Variants in KCNQ3 observed in about 807,000 individuals in gnomAD.
The protein encoded by KCNQ3 is potassium voltage-gated channel subfamily Q member 3, also known as potassium voltage-gated channel subfamily KQT member 3.
KCNQ3 carries 30 observed loss-of-function variants against 92.5 expected under a neutral mutation model. The ratio of observed to expected loss-of-function variants is 0.32; its 90% CI spans 0.24 to 0.44. The LOEUF (loss-of-function observed/expected upper bound fraction) is 0.44. KCNQ3 is among the 20% of genes least tolerant of loss of function. KCNQ3 has a pLI of 1.00. For missense variants in KCNQ3, 913 were observed against 1,140.3 expected (o/e 0.80, Z 2.87); for synonymous variants, 450 against 468.8 (o/e 0.96, Z 0.52).
chr8:132,268,271 T>TTTTG (rs570282514), intron 1 of KCNQ3, among the ~76,000 whole-genome samples: 38 of 152,292 alleles, frequency 2.5e-4, no homozygotes, highest in African/African-American at 8.4e-4. Context: ...GATAGCTCTT[T>TTTTG]TTTGTTTGTT....
At chr8:132,286,823 A>T (rs1816691732) in intron 1 of KCNQ3, among the ~76,000 whole-genome samples, 1 of 152,186 alleles carries the variant, frequency 6.6e-6, no homozygotes, top group African/African-American at 2.4e-5. Context: ...TTTTCATAAG[A>T]CTGGATTAGT....
At chr8:132,233,612 T>C (rs893782222) in intron 1 of KCNQ3, among the ~76,000 whole-genome samples, 7 of 152,238 alleles carry the variant, frequency 4.6e-5, no homozygotes, top group Admixed American at 2.6e-4. Context: ...AGACTTTCAA[T>C]GCCAGTAAGA....
chr8:132,170,304 C>T (rs749452325), intron 8 of KCNQ3, 30 bp downstream of exon 8: 11 of 1,514,170 alleles, frequency 7.3e-6, no homozygotes, highest in Non-Finnish European at 1.0e-5. Context: ...GCTGGTCACG[C>T]CCTGAGCATT....
At chr8:132,477,088 C>T (rs952836434) in intron 1 of KCNQ3, among the ~76,000 whole-genome samples, 53 of 152,290 alleles carry the variant, frequency 3.5e-4, no homozygotes, top group African/African-American at 1.3e-3. Context: ...TTCCCCTTTG[C>T]CTTCTTCCAT....
At chr8:132,413,954 A>G (rs1820724244) in intron 1 of KCNQ3, among the ~76,000 whole-genome samples, 1 of 152,186 alleles carries the variant, frequency 6.6e-6, no homozygotes. Flanking sequence ...GGAGCAAAGG[A>G]GACTGGTGAT....
chr8:132,347,884 G>A (rs1726668380), intron 1 of KCNQ3, among the ~76,000 whole-genome samples: 1 of 150,546 alleles, frequency 6.6e-6, no homozygotes, highest in South Asian at 2.1e-4. Flanking sequence ...GGCTGAGGCA[G>A]GAGAATGGCG....
At chr8:132,274,298 A>G (rs1350265293) in intron 1 of KCNQ3, among the ~76,000 whole-genome samples, 4 of 152,156 alleles carry the variant, frequency 2.6e-5, no homozygotes, top group African/African-American at 9.7e-5. Context: ...TATGCATAGG[A>G]ACTCCTCTTT....
chr8:132,372,512 T>C (rs1175012673), intron 1 of KCNQ3, among the ~76,000 whole-genome samples: 1 of 151,940 alleles, frequency 6.6e-6, no homozygotes, highest in Non-Finnish European at 1.5e-5. Flanking sequence ...TCCCAGCACT[T>C]TGGGAGGCCG....
intron 1 of KCNQ3, among the ~76,000 whole-genome samples, chr8:132,479,844 A>G (rs1822502661): frequency 6.6e-6 from 1 of 152,030 alleles, no homozygotes; most frequent in Admixed American, 6.6e-5. Flanking sequence ...ACACCCCTAG[A>G]AGATGTCATA....
Position 132,165,985 on chromosome 8 carries a change from T to G in KCNQ3, c.1236-2491A>C, listed in dbSNP as rs114884462. 3.3e-3 allele frequency among the ~76,000 whole-genome samples: 506 copies of G among 152,342 alleles called. 4 individuals carry two copies. Among genetic ancestry groups the G allele is most frequent in the African/African-American group, 0.011 (463 of 41,582 alleles). Reference sequence around the variant, plus strand: ...GTGCATATAGTCCCCTTTCTCCATTTCTAAGCACTCCAATAATCTTGACCC... The same window carrying G: ...GTGCATATAGTCCCCTTTCTCCATTGCTAAGCACTCCAATAATCTTGACCC... On this transcript the variant is annotated intron_variant, in intron 8 of 14. Transcript: ENST00000388996.
At chr8:132,266,441 G>T (rs555507972) in intron 1 of KCNQ3, among the ~76,000 whole-genome samples, 1 of 152,096 alleles carries the variant, frequency 6.6e-6, no homozygotes, top group Non-Finnish European at 1.5e-5. Context: ...TTTTGCAGAC[G>T]GGAAAATGGG....
chr8:132,475,080 C>T (rs752040996), intron 1 of KCNQ3, among the ~76,000 whole-genome samples: 2 of 152,180 alleles, frequency 1.3e-5, no homozygotes, highest in African/African-American at 4.8e-5. Context: ...CCTGGCACCA[C>T]GTAAGACATT....
At chr8:132,374,250 A>C (rs543822226) in intron 1 of KCNQ3, among the ~76,000 whole-genome samples, 38 of 152,110 alleles carry the variant, frequency 2.5e-4, no homozygotes, top group Non-Finnish European at 5.3e-4. Context: ...TGCAAAACCT[A>C]CCAGCCCCTT....
chr8:132,217,256 C>T (rs993189436), intron 1 of KCNQ3, among the ~76,000 whole-genome samples: 1 of 152,268 alleles, frequency 6.6e-6, no homozygotes, highest in East Asian at 1.9e-4. Context: ...AGAGTCCAGA[C>T]AGATGGCAAA....
At chr8:132,259,406 T>C (rs1279631601) in intron 1 of KCNQ3, among the ~76,000 whole-genome samples, 1 of 152,110 alleles carries the variant, frequency 6.6e-6, no homozygotes, top group Admixed American at 6.5e-5. Context: ...AACCTCCTCT[T>C]GAGTATTTCA....
chr8:132,414,475 C>A (rs143816850), intron 1 of KCNQ3, among the ~76,000 whole-genome samples: 185 of 152,336 alleles, frequency 1.2e-3, no homozygotes, highest in Non-Finnish European at 1.9e-3. Context: ...CTATTTCCAG[C>A]AGCTATTCTA....
chr8:132,121,723 G>A lies in KCNQ3; in HGVS notation c.*7539C>T, dbSNP rs527710692. The A allele has an allele frequency of 6.6e-6, 1 of 152,274 alleles. No homozygotes were observed. The highest frequency in any genetic ancestry group is 1.9e-4 in the East Asian group (1 of 5,186). 9.4% of individuals were successfully genotyped at this position (152,274 alleles called of 1,614,324 possible). ...TTCAGAGCTCAGAAATAAAGGTACAGTCTAGAGACAAAAGACCAGAGTCAG... is the reference window on the plus strand; with the variant it reads ...TTCAGAGCTCAGAAATAAAGGTACAATCTAGAGACAAAAGACCAGAGTCAG... On this transcript the variant is annotated 3_prime_UTR_variant, in exon 15 of 15. Coordinates refer to ENST00000388996, the MANE Select transcript of KCNQ3 (RefSeq NM_004519.4).
chr8:132,164,804 G>A lies in KCNQ3; in HGVS notation c.1236-1310C>T, dbSNP rs532612531. On this transcript the variant is annotated intron_variant, in intron 8 of 14. Coordinates refer to ENST00000388996, the MANE Select transcript of KCNQ3 (RefSeq NM_004519.4). ...TGTCCATTCCTCTTTCACTCTCCAC[G>A]ATGAGTATTTCATGCTTCCTCTTCT... is the stretch of plus-strand genomic sequence containing the variant. 9.2e-5 allele frequency among the ~76,000 whole-genome samples: 14 copies of A among 152,234 alleles called. No individual in the cohort carries two copies. The East Asian group carries it at 9.6e-4, about 10-fold the overall frequency.
chr8:132,240,764 T>TGA (rs1814968362), intron 1 of KCNQ3, among the ~76,000 whole-genome samples: 1 of 152,234 alleles, frequency 6.6e-6, no homozygotes, highest in Admixed American at 6.5e-5. Flanking sequence ...AGTAAATATT[T>TGA]ATTGAACAAA....
Sources: gnomAD v4.1 joint callset for allele counts (sites outside exome capture counted in the v4.1 genomes callset) on GRCh38, gnomAD v4.1.1 for gene constraint, MANE v1.5 for transcripts, NCBI Gene and HGNC (gene_info 2026-07-23, HGNC 2026-07-21) for gene names.